The following JARID2 variants were observed in gnomAD, a reference collection of about 807,000 sequenced individuals.
The protein encoded by JARID2 is jumonji and AT-rich interaction domain containing 2, also known as protein Jumonji.
Under a neutral mutation model 125.6 loss-of-function variants are expected in JARID2, and 21 were observed. The observed-to-expected ratio is 0.17, with a 90% CI of 0.12 to 0.24. The LOEUF (loss-of-function observed/expected upper bound fraction) is 0.24. JARID2 is among the 10% of genes least tolerant of loss of function. The probability of loss-of-function intolerance (pLI) is 1.00; values close to 1 mark genes in which losing one functional copy is unlikely to be tolerated. For synonymous variants in JARID2, 736 were observed against 661.6 expected (o/e 1.11, Z -1.73); for missense variants, 1,303 against 1,639.6 (o/e 0.79, Z 3.55).
intron 1 of JARID2, among the ~76,000 whole-genome samples, chr6:15,367,343 A>C (rs148452203): frequency 6.6e-6 from 1 of 152,368 alleles, no homozygotes; most frequent in East Asian, 1.9e-4. Flanking sequence ...AAACCAAGGT[A>C]TGAACAAATT....
intron 1 of JARID2, among the ~76,000 whole-genome samples, chr6:15,278,255 G>A (rs544814890): frequency 6.6e-6 from 1 of 150,440 alleles, no homozygotes. Context: ...AGAAAGGTGA[G>A]CTGGGCGCCG....
intron 6 of JARID2, among the ~76,000 whole-genome samples, chr6:15,490,097 A>G (rs991734380): frequency 6.6e-6 from 1 of 152,248 alleles, no homozygotes; most frequent in Non-Finnish European, 1.5e-5. Context: ...CTCAGATCCT[A>G]TTAGTTAAGT....
chr6:15,422,207 T>C (rs1273437139), intron 3 of JARID2, among the ~76,000 whole-genome samples: 2 of 152,202 alleles, frequency 1.3e-5, no homozygotes, highest in South Asian at 2.1e-4. Flanking sequence ...GATCTGTGAT[T>C]ACTTGTTGAT....
At chr6:15,488,478 A>G (rs1003398238) in intron 6 of JARID2, among the ~76,000 whole-genome samples, 1 of 152,220 alleles carries the variant, frequency 6.6e-6, no homozygotes, top group Non-Finnish European at 1.5e-5. Context: ...TCCCTAGAAG[A>G]GACTGGAGGC....
chr6:15,363,429 A>T lies in JARID2; in HGVS notation c.46-10688A>T, dbSNP rs1000570256. On this transcript the variant is annotated intron_variant, in intron 1 of 17. Transcript: ENST00000341776. ...TGCCTTAGATAATTATTTGTTTTAC[A>T]CATGAGCCACTGTAAGATTCACAGA... 5.9e-5 allele frequency among the ~76,000 whole-genome samples: 9 copies of T among 152,320 alleles called. No homozygotes were observed. In the South Asian group the frequency reaches 1.7e-3, roughly 28 times the overall value.
chr6:15,372,061 C>T (rs777807333), intron 1 of JARID2, among the ~76,000 whole-genome samples: 2 of 152,158 alleles, frequency 1.3e-5, no homozygotes, highest in African/African-American at 2.4e-5. Context: ...GAAAGTGCAG[C>T]TTAAGTTATT....
intron 4 of JARID2, among the ~76,000 whole-genome samples, chr6:15,461,919 T>C (rs984493283): frequency 2.6e-5 from 4 of 151,584 alleles, no homozygotes; most frequent in Non-Finnish European, 5.9e-5. Context: ...TAAAAAGAAG[T>C]ACATTCCCAA....
intron 3 of JARID2, among the ~76,000 whole-genome samples, chr6:15,419,356 G>A (rs1350147708): frequency 2.6e-5 from 4 of 152,138 alleles, no homozygotes; most frequent in Non-Finnish European, 4.4e-5. Flanking sequence ...TTATGATGTG[G>A]CAGTTTTGAA....
intron 3 of JARID2, among the ~76,000 whole-genome samples, chr6:15,439,278 T>C (rs1581566658): frequency 6.6e-6 from 1 of 152,156 alleles, no homozygotes; most frequent in Non-Finnish European, 1.5e-5. Context: ...TTGTTGGAGG[T>C]TTATAAGCCT....
At chr6:15,382,549 G>A (rs17576261) in intron 2 of JARID2, among the ~76,000 whole-genome samples, 5,397 of 152,162 alleles carry the variant, frequency 0.035, 150 homozygotes, top group Admixed American at 0.069. Context: ...CCAAAGGAGT[G>A]GTGTGCAAAA....
chr6:15,272,311 TATC>T (rs1760329434), intron 1 of JARID2, among the ~76,000 whole-genome samples: 1 of 152,198 alleles, frequency 6.6e-6, no homozygotes, highest in Non-Finnish European at 1.5e-5. Context: ...TGCATAGTGT[TATC>T]ATGTACTTCC....
At position 15,496,938 on chromosome 6, in the gene JARID2, C is replaced by T. The variant is rs145558379; in HGVS notation, c.1713C>T (p.Leu571=). The T allele has an allele frequency of 9.0e-5, 145 of 1,606,150 alleles. 2 individuals are homozygous for T. Among genetic ancestry groups the T allele is most frequent in the African/African-American group, 8.1e-4 (61 of 74,968 alleles). The change falls in exon 7 of 18, where the codon CTC becomes CTT. Residue 571 remains leucine, a synonymous_variant. Transcript: ENST00000341776. The part of the protein sequence containing the change: ...RPSAKEFHDP[L]IYIESVRAQV... ...CCGCCAAGGAGTTCCACGATCCGCT[C>T]ATCTACATCGAGTCGGTCCGCGCTC...
Position 15,392,680 on chromosome 6 carries a change from C to CTTTTTTTTT in JARID2, c.182-17533_182-17525dup, listed in dbSNP as rs35429221. Among the ~76,000 whole-genome samples, 448 of 120,840 alleles carry CTTTTTTTTT rather than the reference C, an allele frequency of 3.7e-3. 9 individuals are homozygous for CTTTTTTTTT. Among genetic ancestry groups the CTTTTTTTTT allele is most frequent in the African/African-American group, 0.014 (425 of 30,608 alleles). The allele number at this position is 120,840 out of a possible 152,430, so 79.3% of individuals were successfully genotyped here. On this transcript the variant is annotated intron_variant, in intron 2 of 17. Transcript: ENST00000341776. ...GAGCTTTGCTGTTGTGATTAAGAGA[C>CTTTTTTTTT]TTTTTTTTTTTTTTTTTTTGAGTCA...
intron 1 of JARID2, chr6:15,324,285 T>G (rs1010386638): frequency 2.6e-5 from 4 of 152,202 alleles, no homozygotes; most frequent in African/African-American, 9.7e-5. Context: ...AATCTTTGTA[T>G]AACCTAAGAT....
chr6:15,279,036 A>G (rs1193739233), intron 1 of JARID2, among the ~76,000 whole-genome samples: 1 of 151,928 alleles, frequency 6.6e-6, no homozygotes, highest in Non-Finnish European at 1.5e-5. Context: ...GGTTGCAGTG[A>G]GCCAAGATCG....
At chr6:15,479,743 G>C (rs1327581406) in intron 5 of JARID2, among the ~76,000 whole-genome samples, 1 of 152,220 alleles carries the variant, frequency 6.6e-6, no homozygotes, top group Non-Finnish European at 1.5e-5. Context: ...GTGCGAGTGA[G>C]CTGCTGGCTG....
intron 3 of JARID2, among the ~76,000 whole-genome samples, chr6:15,420,354 G>C (rs1231298601): frequency 6.7e-6 from 1 of 148,978 alleles, no homozygotes; most frequent in Non-Finnish European, 1.5e-5. Context: ...AGTGAGCCAA[G>C]ATCACACCAC....
intron 2 of JARID2, among the ~76,000 whole-genome samples, chr6:15,400,499 G>C (rs991882645): frequency 9.2e-5 from 14 of 151,928 alleles, no homozygotes; most frequent in African/African-American, 3.4e-4. Context: ...CTTGGCAATG[G>C]GGTGGGGGCA....
chr6:15,430,392 A>G (rs759592530), intron 3 of JARID2, among the ~76,000 whole-genome samples: 4 of 152,196 alleles, frequency 2.6e-5, no homozygotes. Context: ...AAGAAGGAAA[A>G]CATTTAAACA....
Sources: gnomAD v4.1 joint callset for allele counts (sites outside exome capture counted in the v4.1 genomes callset) on GRCh38, gnomAD v4.1.1 for gene constraint, MANE v1.5 for transcripts, NCBI Gene and HGNC (gene_info 2026-07-23, HGNC 2026-07-21) for gene names.